FRMD5: variants seen among roughly 807,000 people sequenced by gnomAD.
FRMD5 encodes FERM domain-containing protein 5.
A neutral mutation model predicts 69.0 loss-of-function variants in FRMD5; 20 were observed. The observed-to-expected ratio is 0.29, with a 90% CI of 0.20 to 0.42. The LOEUF is 0.42. FRMD5 is among the 10% of genes least tolerant of loss of function. FRMD5 has a pLI of 1.00. For missense variants in FRMD5, 595 were observed against 708.6 expected (o/e 0.84, Z 1.82); for synonymous variants, 271 against 260.1 (o/e 1.04, Z -0.40).
intron 1 of FRMD5, among the ~76,000 whole-genome samples, chr15:44,173,599 C>A (rs1186677567): frequency 6.6e-6 from 1 of 152,142 alleles, no homozygotes; most frequent in Non-Finnish European, 1.5e-5. Flanking sequence ...CTCACTGTAA[C>A]CTCCAGGTTC....
intron 1 of FRMD5, among the ~76,000 whole-genome samples, chr15:43,977,824 C>T (rs1024375054): frequency 3.3e-5 from 5 of 152,044 alleles, no homozygotes; most frequent in Non-Finnish European, 7.4e-5. Context: ...TAGTCCCCTG[C>T]GATTTTGGAG....
intron 1 of FRMD5, among the ~76,000 whole-genome samples, chr15:44,163,130 C>T (rs932596659): frequency 1.3e-5 from 2 of 151,906 alleles, no homozygotes; most frequent in Non-Finnish European, 2.9e-5. Context: ...GCCGAGATTG[C>T]GCCACTGCAC....
intron 1 of FRMD5, among the ~76,000 whole-genome samples, chr15:43,984,706 G>A (rs1314401970): frequency 6.6e-6 from 1 of 152,186 alleles, no homozygotes; most frequent in African/African-American, 2.4e-5. Context: ...AGTTTGGGGT[G>A]GGCGCAGTGG....
At chr15:43,883,914 C>A (rs1316713481) in intron 12 of FRMD5, 105 bp from the exon 13 acceptor site, 3 of 787,008 alleles carry the variant, frequency 3.8e-6, no homozygotes, top group Non-Finnish European at 6.6e-6. Context: ...TATATTAAGT[C>A]TTGGTCTCTC....
chr15:43,949,250 G>A (rs1270350626), intron 1 of FRMD5, among the ~76,000 whole-genome samples: 3 of 152,308 alleles, frequency 2.0e-5, no homozygotes, highest in South Asian at 2.1e-4. Flanking sequence ...GTAACTGTGA[G>A]CTTCTTACTC....
chr15:44,073,143 A>C (rs1893612442), intron 1 of FRMD5, among the ~76,000 whole-genome samples: 1 of 152,120 alleles, frequency 6.6e-6, no homozygotes, highest in Non-Finnish European at 1.5e-5. Context: ...TAAAGAAACA[A>C]AACTAAAAAT....
chr15:43,876,373 G>A, intron 13 of FRMD5: 1 of 774,592 alleles, frequency 1.3e-6, no homozygotes, highest in East Asian at 2.7e-5. Context: ...TGCCTGTTGG[G>A]TGGAGGGCTT....
intron 1 of FRMD5, among the ~76,000 whole-genome samples, chr15:43,935,246 A>G (rs1447867739): frequency 6.6e-6 from 1 of 152,170 alleles, no homozygotes; most frequent in East Asian, 1.9e-4. Context: ...TTCGGGGGAC[A>G]AGGAGAGCAG....
At chr15:44,091,938 T>C (rs1355959630) in intron 1 of FRMD5, among the ~76,000 whole-genome samples, 1 of 152,164 alleles carries the variant, frequency 6.6e-6, no homozygotes, top group Non-Finnish European at 1.5e-5. Flanking sequence ...AGGTGAGGCC[T>C]GACATCCTAC....
intron 2 of FRMD5, among the ~76,000 whole-genome samples, chr15:43,922,315 A>G (rs1365854352): frequency 2.6e-5 from 4 of 152,202 alleles, no homozygotes; most frequent in Non-Finnish European, 1.5e-5. Context: ...CATTAGGGAT[A>G]CTCATCTCAT....
chr15:44,141,443 G>GAA (rs1226283981), intron 1 of FRMD5, among the ~76,000 whole-genome samples: 1 of 152,134 alleles, frequency 6.6e-6, no homozygotes, highest in Non-Finnish European at 1.5e-5. Context: ...TCTAGACAAT[G>GAA]GTGGCACTAC....
chr15:43,928,651 G>A (rs2089625892), intron 1 of FRMD5, among the ~76,000 whole-genome samples: 1 of 152,188 alleles, frequency 6.6e-6, no homozygotes, highest in African/African-American at 2.4e-5. Flanking sequence ...CCAGTCCTAA[G>A]TCCAGGGGTT....
intron 1 of FRMD5, among the ~76,000 whole-genome samples, chr15:43,956,372 C>T (rs2090116022): frequency 6.6e-6 from 1 of 152,092 alleles, no homozygotes; most frequent in Non-Finnish European, 1.5e-5. Context: ...AACAGCTCTT[C>T]AGAAGGGAAA....
At chr15:44,079,025 T>C (rs1246731408) in intron 1 of FRMD5, among the ~76,000 whole-genome samples, 4 of 152,010 alleles carry the variant, frequency 2.6e-5, no homozygotes, top group Non-Finnish European at 4.4e-5. Context: ...ACATATCTAA[T>C]AAGCAATTGA....
intron 1 of FRMD5, among the ~76,000 whole-genome samples, chr15:44,056,289 C>T (rs1595676868): frequency 6.6e-6 from 1 of 152,002 alleles, no homozygotes. Flanking sequence ...ACAAACAAAC[C>T]AGGATAGAAA....
At chr15:43,905,589 C>G (rs1447611658) in intron 6 of FRMD5, among the ~76,000 whole-genome samples, 1 of 152,220 alleles carries the variant, frequency 6.6e-6, no homozygotes, top group African/African-American at 2.4e-5. Context: ...CACAACTTCT[C>G]CCTTGTCTTT....
At chr15:44,010,839 C>T (rs1172582047) in intron 1 of FRMD5, among the ~76,000 whole-genome samples, 2 of 151,994 alleles carry the variant, frequency 1.3e-5, no homozygotes, top group African/African-American at 4.8e-5. Flanking sequence ...AGAGCCCTAA[C>T]TGTGGGCAGA....
chr15:44,084,726 T>C (rs1318213634), intron 1 of FRMD5, among the ~76,000 whole-genome samples: 2 of 151,738 alleles, frequency 1.3e-5, no homozygotes, highest in Middle Eastern at 3.4e-3. Context: ...TAAATTTAAA[T>C]TGTACACTTT....
At chr15:44,137,810 G>C (rs1368984355) in intron 1 of FRMD5, among the ~76,000 whole-genome samples, 1 of 152,088 alleles carries the variant, frequency 6.6e-6, no homozygotes, top group Admixed American at 6.6e-5. Context: ...AACTTCTGTA[G>C]GTCAATGAAA....
Sources: allele counts gnomAD v4.1 joint callset (sites outside exome capture counted in the v4.1 genomes callset), GRCh38; gene constraint gnomAD v4.1.1; transcripts MANE v1.5; gene names NCBI Gene and HGNC (gene_info 2026-07-23, HGNC 2026-07-21).